ESR1: variants seen among roughly 807,000 people sequenced by gnomAD.
ESR1 encodes estrogen receptor.
ESR1 carries 12 observed loss-of-function variants against 52.7 expected under a neutral mutation model. The observed-to-expected ratio is 0.23, with a 90% CI of 0.15 to 0.37. The LOEUF (loss-of-function observed/expected upper bound fraction) is 0.37, where lower values mean the gene tolerates loss of function less well. ESR1 is among the 10% of genes least tolerant of loss of function. The probability of loss-of-function intolerance (pLI) is 1.00; values close to 1 mark genes in which losing one functional copy is unlikely to be tolerated. For missense variants in ESR1, 584 were observed against 779.7 expected (o/e 0.75, Z 2.99); for synonymous variants, 305 against 316.8 (o/e 0.96, Z 0.39).
chr6:151,834,151 G>A (rs1782892999), intron 1 of ESR1, among the ~76,000 whole-genome samples: 1 of 152,132 alleles, frequency 6.6e-6, no homozygotes, highest in Non-Finnish European at 1.5e-5. Context: ...GATCCCTCAA[G>A]GATCTAGAAC....
chr6:152,041,167 T>C (rs1358362580), intron 5 of ESR1, among the ~76,000 whole-genome samples: 2 of 152,148 alleles, frequency 1.3e-5, no homozygotes, highest in African/African-American at 4.8e-5. Flanking sequence ...CCTAGAGGCC[T>C]CCCCTGTGAT....
chr6:151,907,745 A>T (rs1001230645), intron 3 of ESR1, among the ~76,000 whole-genome samples: 3 of 152,146 alleles, frequency 2.0e-5, no homozygotes, highest in African/African-American at 7.2e-5. Context: ...CACAGTAATT[A>T]TCTCACTGGG....
chr6:151,820,186 A>G (rs1162312030), intron 1 of ESR1, among the ~76,000 whole-genome samples: 1 of 152,180 alleles, frequency 6.6e-6, no homozygotes. Context: ...AAGAATGAGG[A>G]TTTAGCCAGA....
intron 3 of ESR1, among the ~76,000 whole-genome samples, chr6:151,912,758 T>C (rs1214810092): frequency 6.6e-6 from 1 of 152,216 alleles, no homozygotes; most frequent in African/African-American, 2.4e-5. Context: ...AATGAGTTCC[T>C]GTCCTTTGCA....
At chr6:151,917,057 T>A (rs189699367) in intron 3 of ESR1, among the ~76,000 whole-genome samples, 15 of 152,256 alleles carry the variant, frequency 9.9e-5, no homozygotes, top group Admixed American at 5.9e-4. Context: ...TGTAATTGGA[T>A]GTTGGTGACT....
intron 2 of ESR1, among the ~76,000 whole-genome samples, chr6:151,860,395 C>A (rs1043874279): frequency 3.9e-5 from 6 of 152,042 alleles, no homozygotes; most frequent in Non-Finnish European, 7.4e-5. Context: ...CAACTTTGTA[C>A]CCTTTGACCA....
rs140111345 is a variant in ESR1 at position 151,750,024 on chromosome 6, G to A, written c.-71+48019G>A. ...TTTTAAATACAAAAGGAATGAGGGA[G>A]GGAGACATGAATATAGATGGGTGTT... On this transcript the variant is annotated intron_variant, in intron 2 of 2. Transcript: ENST00000404742. Among the ~76,000 whole-genome samples the A allele has an allele frequency of 5.0e-3, 754 of 152,280 alleles. 6 individuals carry two copies. The highest frequency in any genetic ancestry group is 0.017 in the African/African-American group (720 of 41,544).
chr6:152,024,420 A>T (rs2043948963), intron 5 of ESR1, among the ~76,000 whole-genome samples: 1 of 151,882 alleles, frequency 6.6e-6, no homozygotes, highest in Non-Finnish European at 1.5e-5. Context: ...AAGTAAATTT[A>T]TTGATAATTT....
chr6:152,053,726 C>A lies in ESR1; in HGVS notation c.1236-7265C>A, dbSNP rs2046875942. Among the ~76,000 whole-genome samples the A allele has an allele frequency of 6.6e-6, 1 of 151,944 alleles. No homozygotes were observed. Among genetic ancestry groups the A allele is most frequent in the African/African-American group, 2.4e-5 (1 of 41,350 alleles). ...GTTTCAGTGATTTCTATTCAGATAT[C>A]TCCAAAATTTGTATTTCCGGATATT... On this transcript the variant is annotated intron_variant, in intron 5 of 7. Coordinates refer to ENST00000206249, the MANE Select transcript of ESR1 (RefSeq NM_000125.4). The surrounding 1 kb of genome is among the most constrained non-coding windows in gnomAD (Gnocchi z 4.1).
chr6:151,702,929 C>G (rs1029917051), intron 2 of ESR1, among the ~76,000 whole-genome samples: 2 of 152,142 alleles, frequency 1.3e-5, no homozygotes, highest in African/African-American at 4.8e-5. Context: ...AGATTAAATG[C>G]ACCCCTGATT....
intron 3 of ESR1, among the ~76,000 whole-genome samples, chr6:151,909,232 CT>C (rs1797890090): frequency 6.6e-6 from 1 of 152,186 alleles, no homozygotes; most frequent in South Asian, 2.1e-4. Flanking sequence ...GGGAAAAACC[CT>C]GTTCTTTGGC....
intron 1 of ESR1, 123 bp from the exon 2 acceptor site, chr6:151,842,474 G>A (rs1052843035): frequency 8.6e-6 from 8 of 925,130 alleles, no homozygotes; most frequent in Non-Finnish European, 1.4e-5. Flanking sequence ...GGTAATGAAA[G>A]ATTAGCTTAC....
At chr6:151,984,552 T>G (rs1300332333) in intron 4 of ESR1, among the ~76,000 whole-genome samples, 2 of 152,180 alleles carry the variant, frequency 1.3e-5, no homozygotes, top group Non-Finnish European at 2.9e-5. Flanking sequence ...ATACACTAGC[T>G]GTGTCTGAGT....
intron 5 of ESR1, among the ~76,000 whole-genome samples, chr6:152,022,518 T>TA (rs756812110): frequency 2.6e-5 from 4 of 151,976 alleles, no homozygotes; most frequent in Non-Finnish European, 5.9e-5. Flanking sequence ...CTAGACAAGA[T>TA]AATAGAGAAA....
At chr6:152,006,401 A>T (rs1416116966) in intron 4 of ESR1, among the ~76,000 whole-genome samples, 1 of 151,870 alleles carries the variant, frequency 6.6e-6, no homozygotes, top group African/African-American at 2.4e-5. Context: ...GGAGAGAAGG[A>T]AGGTCATTTC....
chr6:152,103,895 G>C (rs79566953), downstream of ESR1, among the ~76,000 whole-genome samples: 12 of 152,216 alleles, frequency 7.9e-5, no homozygotes, highest in East Asian at 2.3e-3. Context: ...TGAATTGGGA[G>C]GGGGTGGGTA....
At chr6:151,969,574 A>G (rs1392701959) in intron 4 of ESR1, among the ~76,000 whole-genome samples, 5 of 152,152 alleles carry the variant, frequency 3.3e-5, no homozygotes, top group Non-Finnish European at 7.3e-5. Context: ...CTCCATTTGC[A>G]GTGCTGTGGC....
chr6:152,025,644 G>C (rs902621622), intron 5 of ESR1, among the ~76,000 whole-genome samples: 1 of 151,770 alleles, frequency 6.6e-6, no homozygotes, highest in Admixed American at 6.6e-5. Flanking sequence ...TCAGCTAGTG[G>C]TTCCTCTATT....
chr6:151,851,791 G>A (rs1199913198), intron 2 of ESR1, among the ~76,000 whole-genome samples: 1 of 152,172 alleles, frequency 6.6e-6, no homozygotes, highest in Admixed American at 6.5e-5. Flanking sequence ...GCCTCCCAAA[G>A]TGCTGGGATT....
Sources: allele counts gnomAD v4.1 joint callset (sites outside exome capture counted in the v4.1 genomes callset), GRCh38; gene constraint gnomAD v4.1.1; non-coding constraint Gnocchi (gnomAD v3.1); transcripts MANE v1.5; gene names NCBI Gene and HGNC (gene_info 2026-07-23, HGNC 2026-07-21).